NELL1: variants seen among roughly 807,000 people sequenced by gnomAD.
The protein encoded by NELL1 is neural EGFL like 1.
Under a neutral mutation model 107.4 loss-of-function variants are expected in NELL1, and 76 were observed. That is an observed-to-expected ratio of 0.71 (90% CI 0.59 to 0.86). NELL1 has a LOEUF of 0.86. NELL1 is among the 40% of genes least tolerant of loss of function. The probability of loss-of-function intolerance (pLI) is 0.00; values close to 1 mark genes in which losing one functional copy is unlikely to be tolerated. For synonymous variants in NELL1, 353 were observed against 341.2 expected (o/e 1.03, Z -0.38); for missense variants, 1,024 against 1,005.5 (o/e 1.02, Z -0.25).
chr11:20,805,073 G>T (rs188195607), intron 3 of NELL1, among the ~76,000 whole-genome samples: 9 of 152,050 alleles, frequency 5.9e-5, no homozygotes, highest in African/African-American at 2.2e-4. Context: ...TATTTTATCT[G>T]ATATAACTAT....
chr11:21,475,294 T>C lies in NELL1; in HGVS notation c.1646-59080T>C, dbSNP rs559383249. Among the ~76,000 whole-genome samples the C allele has an allele frequency of 5.9e-5, 9 of 152,280 alleles. No homozygotes were observed. The South Asian group carries it at 1.9e-3, about 32-fold the overall frequency. On this transcript the variant is annotated intron_variant, in intron 15 of 19. Coordinates refer to ENST00000357134, the MANE Select transcript of NELL1 (RefSeq NM_006157.5). ...TAATTGGAAGTATTGATGTCTGAAGTTGCACCCTGCTGAGAAAATGTTATT... is the reference window on the plus strand; with the variant it reads ...TAATTGGAAGTATTGATGTCTGAAGCTGCACCCTGCTGAGAAAATGTTATT...
intron 13 of NELL1, among the ~76,000 whole-genome samples, chr11:21,218,449 G>A (rs1168688676): frequency 1.3e-5 from 2 of 152,036 alleles, no homozygotes; most frequent in Admixed American, 6.6e-5. Flanking sequence ...AGAGTAATTA[G>A]CTTACCCATC....
At chr11:21,335,841 ATC>A (rs1236486006) in intron 14 of NELL1, among the ~76,000 whole-genome samples, 2 of 152,070 alleles carry the variant, frequency 1.3e-5, no homozygotes, top group Non-Finnish European at 2.9e-5. Context: ...TTTATAAATC[ATC>A]TCTGTTTGCA....
At chr11:21,277,923 A>G (rs1476479661) in intron 14 of NELL1, among the ~76,000 whole-genome samples, 2 of 152,188 alleles carry the variant, frequency 1.3e-5, no homozygotes, top group African/African-American at 4.8e-5. Flanking sequence ...GGGGAGGGAT[A>G]GCATTAGGAG....
At chr11:21,294,942 C>T (rs562819239) in intron 14 of NELL1, among the ~76,000 whole-genome samples, 1 of 152,022 alleles carries the variant, frequency 6.6e-6, no homozygotes, top group South Asian at 2.1e-4. Flanking sequence ...AAGTCAGTTG[C>T]CTCAATCTCA....
intron 19 of NELL1, among the ~76,000 whole-genome samples, chr11:21,574,254 A>ATTTT (rs796871001): frequency 3.4e-4 from 11 of 32,164 alleles, no homozygotes; most frequent in African/African-American, 4.7e-4. Flanking sequence ...ATAAATGTAG[A>ATTTT]TTTTTTTTTT....
chr11:21,189,140 T>A (rs1431902272), intron 13 of NELL1, among the ~76,000 whole-genome samples: 1 of 151,898 alleles, frequency 6.6e-6, no homozygotes, highest in Admixed American at 6.5e-5. Context: ...TGCTCACATA[T>A]GTAGCTCTTC....
At chr11:21,502,545 C>A (rs1435067017) in intron 15 of NELL1, among the ~76,000 whole-genome samples, 1 of 152,162 alleles carries the variant, frequency 6.6e-6, no homozygotes, top group Non-Finnish European at 1.5e-5. Flanking sequence ...TTATCAGAAT[C>A]TTTTTCAACT....
intron 4 of NELL1, among the ~76,000 whole-genome samples, chr11:20,853,926 T>C (rs1290951118): frequency 6.6e-6 from 1 of 152,110 alleles, no homozygotes; most frequent in Non-Finnish European, 1.5e-5. Flanking sequence ...CCTCCTCCTG[T>C]GTAAGATTTT....
chr11:21,085,261 T>G (rs1350427770), intron 12 of NELL1, among the ~76,000 whole-genome samples: 2 of 152,154 alleles, frequency 1.3e-5, no homozygotes, highest in Non-Finnish European at 2.9e-5. Flanking sequence ...AGTGAATAAA[T>G]GAACTCCATA....
At chr11:20,912,733 A>G (rs1434628902) in intron 5 of NELL1, among the ~76,000 whole-genome samples, 4 of 152,112 alleles carry the variant, frequency 2.6e-5, no homozygotes, top group Non-Finnish European at 5.9e-5. Flanking sequence ...GGGAAGTGAA[A>G]TTGATTACAA....
chr11:20,859,530 T>C (rs1209743655), intron 4 of NELL1, among the ~76,000 whole-genome samples: 1 of 152,178 alleles, frequency 6.6e-6, no homozygotes, highest in Admixed American at 6.5e-5. Flanking sequence ...TTTCTTCAAA[T>C]GTGGAGTAGA....
chr11:21,162,714 G>C (rs913224963), intron 13 of NELL1, among the ~76,000 whole-genome samples: 19 of 152,168 alleles, frequency 1.2e-4, no homozygotes, highest in African/African-American at 4.6e-4. Flanking sequence ...CGGTGATGGG[G>C]CTGGGTGGTG....
chr11:21,469,116 GATCC>G (rs1854107900), intron 15 of NELL1, among the ~76,000 whole-genome samples: 1 of 152,002 alleles, frequency 6.6e-6, no homozygotes, highest in African/African-American at 2.4e-5. Context: ...TAGGAAGACA[GATCC>G]ATCAGATTAT....
intron 15 of NELL1, among the ~76,000 whole-genome samples, chr11:21,402,105 A>G (rs2133798044): frequency 6.6e-6 from 1 of 151,920 alleles, no homozygotes; most frequent in East Asian, 2.0e-4. Context: ...TAGGTAATTC[A>G]GCTTGCCTTC....
chr11:20,889,541 A>G lies in NELL1; in HGVS notation c.603+4001A>G, dbSNP rs188219103. 2.1e-4 allele frequency among the ~76,000 whole-genome samples: 32 copies of G among 152,348 alleles called. 1 individual carries two copies. Among genetic ancestry groups the G allele is most frequent in the African/African-American group, 7.5e-4 (31 of 41,580 alleles). On this transcript the variant is annotated intron_variant, in intron 5 of 19. Transcript: ENST00000357134. ...TGGAGAGCAAATGCATGTTGACAGT[A>G]TGCACAAATCTCAGTGATTATTATT...
In NELL1 at chr11:21,196,795, G is replaced by A. The variant is rs180954051; in HGVS notation, c.1427-32537G>A. Among the ~76,000 whole-genome samples the A allele has an allele frequency of 5.2e-4, 79 of 151,972 alleles. 1 individual carries two copies. The highest frequency in any genetic ancestry group is 2.1e-4 in the South Asian group (1 of 4,808). On this transcript the variant is annotated intron_variant, in intron 13 of 19. Coordinates refer to ENST00000357134, the MANE Select transcript of NELL1 (RefSeq NM_006157.5). ...CATTTTGTTTTCTGGACTTAGAATA[G>A]CACAGGCACTTAAGAGGTACATCAC...
chr11:21,322,197 G>T (rs1378465784), intron 14 of NELL1, among the ~76,000 whole-genome samples: 1 of 152,148 alleles, frequency 6.6e-6, no homozygotes, highest in Non-Finnish European at 1.5e-5. Flanking sequence ...TGACTTTATA[G>T]TGTAATGCAG....
chr11:21,251,950 GT>G (rs1300650196), intron 14 of NELL1, among the ~76,000 whole-genome samples: 1 of 152,228 alleles, frequency 6.6e-6, no homozygotes, highest in East Asian at 1.9e-4. Context: ...CAAGATTAAT[GT>G]TCATGAAAGA....
Sources: allele counts gnomAD v4.1 joint callset (sites outside exome capture counted in the v4.1 genomes callset), GRCh38; gene constraint gnomAD v4.1.1; transcripts MANE v1.5; gene names NCBI Gene and HGNC (gene_info 2026-07-23, HGNC 2026-07-21).